The following SPAG1 variants were observed in gnomAD, a reference collection of about 807,000 sequenced individuals.
SPAG1 encodes sperm-associated antigen 1.
SPAG1 carries 69 observed loss-of-function variants against 100.5 expected under a neutral mutation model. That is an observed-to-expected ratio of 0.69 (90% CI 0.57 to 0.84). The LOEUF (loss-of-function observed/expected upper bound fraction) is 0.84. Among genes scored for constraint, SPAG1 ranks in the 40% least tolerant of loss-of-function variants. The probability of loss-of-function intolerance (pLI) is 0.00; values close to 1 mark genes in which losing one functional copy is unlikely to be tolerated. For missense variants in SPAG1, 955 were observed against 1,133.1 expected, an observed-to-expected ratio of 0.84 and a Z score of 2.26; for synonymous variants, 336 against 411.6, an observed-to-expected ratio of 0.82 and a Z score of 2.22.
At chr8:100,232,367 C>T (rs1170895352) in intron 15 of SPAG1, among the ~76,000 whole-genome samples, 7 of 152,016 alleles carry the variant, frequency 4.6e-5, no homozygotes, top group African/African-American at 9.7e-5. Context: ...TTCCTTTCTA[C>T]GTACTCTAGA....
chr8:100,220,461 C>G, intron 13 of SPAG1, 30 bp downstream of exon 13: 1 of 1,591,016 alleles, frequency 6.3e-7, no homozygotes, highest in Non-Finnish European at 8.6e-7. Context: ...TACCTAAAAT[C>G]TAGTTGTTTT....
At chr8:100,221,679 G>T (rs371962558) in intron 13 of SPAG1, among the ~76,000 whole-genome samples, 31 of 152,168 alleles carry the variant, frequency 2.0e-4, no homozygotes, top group African/African-American at 7.2e-4. Context: ...CTCCAGGCTC[G>T]GGGAAGGGGA....
intron 10 of SPAG1, among the ~76,000 whole-genome samples, chr8:100,205,860 CA>C (rs1282886264): frequency 1.3e-5 from 2 of 149,278 alleles, no homozygotes; most frequent in East Asian, 2.0e-4. Flanking sequence ...ACTAAAAATA[CA>C]AAAAAAAATT....
At chr8:100,224,324 C>CT (rs1818410108) in intron 13 of SPAG1, among the ~76,000 whole-genome samples, 1 of 152,162 alleles carries the variant, frequency 6.6e-6, no homozygotes, top group Admixed American at 6.6e-5. Context: ...CTGAGATCAC[C>CT]TGAGGTCAGG....
chr8:100,213,301 G>C lies in SPAG1; in HGVS notation c.1308G>C (p.Pro436=). 1 of 1,230,352 alleles carries C rather than the reference G, an allele frequency of 8.1e-7. No homozygotes were observed. The allele number at this position is 1,230,352 out of a possible 1,614,324, so 76.2% of individuals were successfully genotyped here. A position where few individuals can be genotyped will look rare whatever the true frequency, so the allele number is the denominator to read the frequency against. Residue 436 remains proline, a synonymous_variant, in exon 11 of 19, where the codon CCG becomes CCC. Transcript: ENST00000388798. ...CGGGCGGCGGCGCCACCGGGCATCC[G>C]GGCGGCGGGCAGGGCGCGGAGAACC... ...AAAGGGATGH[P]GGGQGAENPA...
chr8:100,194,642 G>T (rs1200401367), intron 10 of SPAG1: 2 of 394,086 alleles, frequency 5.1e-6, no homozygotes, highest in Non-Finnish European at 8.9e-6. Context: ...ACAGGTATGG[G>T]TAGCCCCATT....
intron 11 of SPAG1, among the ~76,000 whole-genome samples, 172 bp from the exon 12 acceptor site, chr8:100,213,647 C>T (rs936005617): frequency 1.3e-5 from 2 of 152,212 alleles, no homozygotes; most frequent in African/African-American, 4.8e-5. Flanking sequence ...CCTCCGTCCC[C>T]GCCGGGTTTT....
chr8:100,174,326 A>G (rs1376043202), intron 3 of SPAG1, among the ~76,000 whole-genome samples: 1 of 152,228 alleles, frequency 6.6e-6, no homozygotes, highest in African/African-American at 2.4e-5. Context: ...TATATTTACA[A>G]TGTATTAAGT....
intron 16 of SPAG1, among the ~76,000 whole-genome samples, chr8:100,238,072 T>C (rs1202184067): frequency 1.3e-5 from 2 of 152,178 alleles, no homozygotes; most frequent in South Asian, 2.1e-4. Context: ...ATGCTTAGAA[T>C]GGTAAGAATC....
chr8:100,229,512 T>C (rs1224074096), intron 14 of SPAG1, among the ~76,000 whole-genome samples: 1 of 152,218 alleles, frequency 6.6e-6, no homozygotes, highest in Non-Finnish European at 1.5e-5. Context: ...TGTTATTCTG[T>C]TCATCTGAAT....
intron 10 of SPAG1, chr8:100,194,592 A>T (rs1816951834): frequency 2.1e-6 from 1 of 469,756 alleles, no homozygotes; most frequent in African/African-American, 2.0e-5. Flanking sequence ...ATTGTTTTGT[A>T]TATATCTACT....
intron 10 of SPAG1, among the ~76,000 whole-genome samples, chr8:100,211,385 G>A (rs548236529): frequency 6.6e-6 from 1 of 152,350 alleles, no homozygotes; most frequent in South Asian, 2.1e-4. Flanking sequence ...GCTGGGCACA[G>A]TGGCTCATGC....
intron 10 of SPAG1, among the ~76,000 whole-genome samples, chr8:100,198,720 C>T (rs959635067): frequency 3.3e-5 from 5 of 152,174 alleles, no homozygotes; most frequent in Middle Eastern, 6.3e-3. Flanking sequence ...ACTATCACCA[C>T]GATCTAATTT....
At chr8:100,210,407 T>C (rs2132341281) in intron 10 of SPAG1, among the ~76,000 whole-genome samples, 1 of 152,346 alleles carries the variant, frequency 6.6e-6, no homozygotes, top group African/African-American at 2.4e-5. Context: ...ATCTGTTCGC[T>C]AGTATTTTGC....
At position 100,213,861 on chromosome 8, in the gene SPAG1, G is replaced by C. The variant is rs1344013452; in HGVS notation, c.1478G>C (p.Arg493Thr). 1 of 1,605,318 alleles carries C rather than the reference G, an allele frequency of 6.2e-7. No individual in the cohort carries two copies. The highest frequency in any genetic ancestry group is 1.7e-5 in the Admixed American group (1 of 59,750). Residue 493 changes from arginine (R) to threonine (T), a missense_variant, in exon 12 of 19, where the codon AGA (arginine) becomes ACA (threonine). Physicochemically the swap from Arg to Thr is moderately conservative, Grantham distance 71. Coordinates refer to ENST00000388798, the MANE Select transcript of SPAG1 (RefSeq NM_003114.5). ...GATCTAAGTATCTTATATTCAAATA[G>C]AGCAGCATGTTACCTAAAAGAAGGA... The part of the protein sequence containing the change: ...ADDLSILYSN[R>T]AACYLKEGNC...
intron 15 of SPAG1, 187 bp from the exon 16 acceptor site, chr8:100,233,224 T>TGA: frequency 1.8e-6 from 1 of 567,634 alleles, no homozygotes; most frequent in South Asian, 1.8e-5. Context: ...TTGAGGGCTG[T>TGA]GACTGTATTT....
At chr8:100,167,862 T>C (rs750513022) in intron 3 of SPAG1, among the ~76,000 whole-genome samples, 2 of 152,246 alleles carry the variant, frequency 1.3e-5, no homozygotes, top group Non-Finnish European at 2.9e-5. Flanking sequence ...CACTGAACTG[T>C]CAGCATAGTT....
chr8:100,169,871 C>T (rs1307083517), intron 3 of SPAG1, among the ~76,000 whole-genome samples: 1 of 152,040 alleles, frequency 6.6e-6, no homozygotes, highest in Non-Finnish European at 1.5e-5. Context: ...AGGCAGCCTG[C>T]CCACAGTAGC....
chr8:100,183,345 G>A, intron 4 of SPAG1, 30 bp from the exon 5 acceptor site: 2 of 943,432 alleles, frequency 2.1e-6, no homozygotes, highest in Non-Finnish European at 1.7e-6. Flanking sequence ...TATTAAATAT[G>A]TCTCATAAAA....
Sources: gnomAD v4.1 joint callset for allele counts (sites outside exome capture counted in the v4.1 genomes callset) on GRCh38, gnomAD v4.1.1 for gene constraint, MANE v1.5 for transcripts, NCBI Gene and HGNC (gene_info 2026-07-23, HGNC 2026-07-21) for gene names.